Variants in RIC8B observed in about 807,000 individuals in gnomAD.
RIC8B encodes RIC8 guanine nucleotide exchange factor B, also known as chaperone Ric-8B.
A neutral mutation model predicts 57.5 loss-of-function variants in RIC8B; 16 were observed. The ratio of observed to expected loss-of-function variants is 0.28; its 90% CI spans 0.19 to 0.42. The LOEUF is 0.42. RIC8B is among the 10% of genes least tolerant of loss of function. The pLI is 1.00. For missense variants in RIC8B, 481 were observed against 677.0 expected (o/e 0.71, Z 3.21); for synonymous variants, 216 against 250.8 (o/e 0.86, Z 1.31).
intron 1 of RIC8B, among the ~76,000 whole-genome samples, chr12:106,776,779 C>A (rs1300164754): frequency 6.6e-6 from 1 of 152,174 alleles, no homozygotes; most frequent in Non-Finnish European, 1.5e-5. Flanking sequence ...TGAAGTGTTT[C>A]AAAAGATTCC....
chr12:106,825,672 C>T (rs539676779), intron 3 of RIC8B, 54 bp from the exon 4 acceptor site: 1 of 1,314,918 alleles, frequency 7.6e-7, no homozygotes, highest in Admixed American at 1.7e-5. Context: ...GTAGCAGACC[C>T]CACTGTTCAG....
chr12:106,849,178 T>C (rs1949346360), intron 6 of RIC8B, among the ~76,000 whole-genome samples: 1 of 152,154 alleles, frequency 6.6e-6, no homozygotes, highest in Admixed American at 6.5e-5. Flanking sequence ...TTTACCCTGA[T>C]GTGATTATTA....
chr12:106,791,925 C>T (rs1413446905), intron 2 of RIC8B, among the ~76,000 whole-genome samples: 6 of 152,128 alleles, frequency 3.9e-5, no homozygotes, highest in Non-Finnish European at 2.9e-5. Context: ...GCCCTTTGTC[C>T]TTATTTTGGT....
In RIC8B at chr12:106,811,997, TTATTG is replaced by T. The variant is rs371729658; in HGVS notation, c.133-2693_133-2689del. On this transcript the variant is annotated intron_variant, in intron 2 of 9. Transcript: ENST00000392837. ...TCTAATAATATTCTTTAAATAGAAA[TTATTG>T]TATTGAGTAAAACATTAAATATGTC... Among the ~76,000 whole-genome samples, 436 of 152,296 alleles carry T rather than the reference TTATTG, an allele frequency of 2.9e-3. 1 individual carries two copies. Among genetic ancestry groups the T allele is most frequent in the African/African-American group, 9.5e-3 (393 of 41,562 alleles).
chr12:106,861,985 C>T lies in RIC8B; in HGVS notation c.1451+1573C>T, dbSNP rs180893311. The stretch of plus-strand genomic sequence containing the variant: ...TGGTAATGGTCATATATGTAGCAAG[C>T]GCCAGAATGCTACTATAACAATAGG... On this transcript the variant is annotated intron_variant, in intron 8 of 9. Transcript: ENST00000392837. 1.8e-3 allele frequency among the ~76,000 whole-genome samples: 278 copies of T among 152,050 alleles called. 1 individual carries two copies. The highest frequency in any genetic ancestry group is 6.3e-3 in the African/African-American group (263 of 41,504).
chr12:106,825,200 T>TA (rs1365319001), intron 3 of RIC8B, among the ~76,000 whole-genome samples: 1 of 152,228 alleles, frequency 6.6e-6, no homozygotes, highest in African/African-American at 2.4e-5. Context: ...GTCTCTTTAA[T>TA]ACCACTGCCA....
intron 2 of RIC8B, among the ~76,000 whole-genome samples, chr12:106,807,164 A>T (rs1262909183): frequency 1.1e-4 from 16 of 152,222 alleles, no homozygotes; most frequent in African/African-American, 3.6e-4. Flanking sequence ...TGTTTGTTCC[A>T]GTCCAACCCA....
intron 1 of RIC8B, chr12:106,775,547 A>G (rs1013537041): frequency 6.2e-6 from 2 of 325,110 alleles, no homozygotes; most frequent in South Asian, 2.4e-5. Context: ...TGCATTTTGC[A>G]ATTGAGACTC....
chr12:106,861,025 A>G (rs1046580599), intron 8 of RIC8B, among the ~76,000 whole-genome samples: 1 of 152,082 alleles, frequency 6.6e-6, no homozygotes, highest in Non-Finnish European at 1.5e-5. Flanking sequence ...TAAAGACACT[A>G]TAATTATTCT....
intron 8 of RIC8B, 59 bp downstream of exon 8, chr12:106,860,471 C>T (rs886437764): frequency 7.3e-6 from 9 of 1,231,322 alleles, no homozygotes; most frequent in Non-Finnish European, 8.6e-6. Flanking sequence ...TGGTTATTTC[C>T]TTTGTCTTTC....
At chr12:106,784,220 C>T (rs1028877095) in intron 2 of RIC8B, among the ~76,000 whole-genome samples, 176 bp downstream of exon 2, 6 of 152,206 alleles carry the variant, frequency 3.9e-5, no homozygotes, top group Middle Eastern at 3.4e-3. Flanking sequence ...TTGGGTTACA[C>T]GTAACTCTTT....
chr12:106,796,973 C>T (rs1318228170), intron 2 of RIC8B, among the ~76,000 whole-genome samples: 1 of 152,158 alleles, frequency 6.6e-6, no homozygotes, highest in Non-Finnish European at 1.5e-5. Flanking sequence ...CATAAAATAT[C>T]AATTCATACC....
At position 106,887,598 on chromosome 12, in the gene RIC8B, T is replaced by A. The variant is rs1441007859; in HGVS notation, c.*1583T>A. 6.6e-6 allele frequency: 1 copy of A among 152,244 alleles called. No homozygotes were observed. Among genetic ancestry groups the A allele is most frequent in the East Asian group, 1.9e-4 (1 of 5,202 alleles). The allele number at this position is 152,244 out of a possible 1,614,324, so 9.4% of individuals were successfully genotyped here. A position where few individuals can be genotyped will look rare whatever the true frequency, so the allele number is the denominator to read the frequency against. ...CTTAGACTCTGAACTGAAATTTGCA[T>A]ACGCTTCCAACATGTTTTATTAGCT... On this transcript the variant is annotated 3_prime_UTR_variant, in exon 10 of 10. Transcript: ENST00000392837.
Sources: allele counts gnomAD v4.1 joint callset (sites outside exome capture counted in the v4.1 genomes callset), GRCh38; gene constraint gnomAD v4.1.1; transcripts MANE v1.5; gene names NCBI Gene and HGNC (gene_info 2026-07-23, HGNC 2026-07-21).